MARCHF1: variants seen among roughly 807,000 people sequenced by gnomAD.
The protein encoded by MARCHF1 is E3 ubiquitin-protein ligase MARCHF1.
A neutral mutation model predicts 54.2 loss-of-function variants in MARCHF1; 40 were observed. The observed-to-expected ratio is 0.74, with a 90% CI of 0.57 to 0.96. The LOEUF (loss-of-function observed/expected upper bound fraction) is 0.96, where lower values mean the gene tolerates loss of function less well. MARCHF1 is among the 40% of genes least tolerant of loss of function. The pLI, the probability that MARCHF1 is intolerant of heterozygous loss-of-function variation, is 0.00. For synonymous variants in MARCHF1, 236 were observed against 236.3 expected, an observed-to-expected ratio of 1.00 and a Z score of 0.01; for missense variants, 586 against 656.5, an observed-to-expected ratio of 0.89 and a Z score of 1.17.
At chr4:163,968,181 G>C (rs763537856) in intron 3 of MARCHF1, among the ~76,000 whole-genome samples, 1 of 152,080 alleles carries the variant, frequency 6.6e-6, no homozygotes, top group African/African-American at 2.4e-5. Flanking sequence ...ATCCATCTCC[G>C]TGAGAACCTT....
chr4:164,130,680 T>C (rs1036585575), intron 1 of MARCHF1, among the ~76,000 whole-genome samples: 1 of 152,146 alleles, frequency 6.6e-6, no homozygotes, highest in African/African-American at 2.4e-5. Context: ...TCTGGAAAAT[T>C]GGGGCTTACA....
intron 1 of MARCHF1, among the ~76,000 whole-genome samples, chr4:164,187,271 C>CT (rs1730994600): frequency 4.9e-5 from 3 of 61,524 alleles, no homozygotes; most frequent in Admixed American, 1.5e-4. Flanking sequence ...AGGTCTGCCC[C>CT]CCTCCTGGAG....
intron 4 of MARCHF1, among the ~76,000 whole-genome samples, chr4:163,727,262 T>C (rs1321632754): frequency 6.6e-6 from 1 of 152,162 alleles, no homozygotes; most frequent in Admixed American, 6.6e-5. Flanking sequence ...CCATTTTGAA[T>C]AAATTTTCAT....
At chr4:164,153,610 A>G (rs536973843) in intron 1 of MARCHF1, among the ~76,000 whole-genome samples, 1 of 152,294 alleles carries the variant, frequency 6.6e-6, no homozygotes, top group African/African-American at 2.4e-5. Flanking sequence ...ATTAGCATTT[A>G]TGAATAAATG....
chr4:164,362,427 A>G (rs947455657), intron 1 of MARCHF1, among the ~76,000 whole-genome samples: 3 of 152,248 alleles, frequency 2.0e-5, no homozygotes, highest in African/African-American at 4.8e-5. Flanking sequence ...CAGGGGGTAC[A>G]TGATTATGTG....
chr4:163,717,839 G>A (rs935713078), intron 4 of MARCHF1, among the ~76,000 whole-genome samples: 1 of 152,058 alleles, frequency 6.6e-6, no homozygotes, highest in Non-Finnish European at 1.5e-5. Context: ...CTTTTTGATG[G>A]GGTTGTCTGT....
intron 1 of MARCHF1, among the ~76,000 whole-genome samples, chr4:164,237,291 T>A (rs750296302): frequency 2.0e-5 from 3 of 152,308 alleles, no homozygotes; most frequent in Middle Eastern, 3.4e-3. Flanking sequence ...CTGTCAAGCC[T>A]GATGGCTTTG....
chr4:163,852,066 A>G (rs147021980), intron 4 of MARCHF1, among the ~76,000 whole-genome samples: 1 of 152,280 alleles, frequency 6.6e-6, no homozygotes, highest in East Asian at 1.9e-4. Context: ...TCCATTGGTA[A>G]CTTGATATCT....
At position 163,997,595 on chromosome 4, in the gene MARCHF1, G is replaced by A. The variant is rs772910240; in HGVS notation, c.-247-8886C>T. ...AAGTACCCTTTAATTTGGGGTTTCT[G>A]TGACATTAGATATTGTGTTTACTAT... is the stretch of plus-strand genomic sequence containing the variant. On this transcript the variant is annotated intron_variant, in intron 2 of 9. Transcript: ENST00000514618. 5.9e-5 allele frequency among the ~76,000 whole-genome samples: 9 copies of A among 152,050 alleles called. No individual in the cohort carries two copies. In the East Asian group the frequency reaches 7.7e-4, roughly 13 times the overall value.
intron 1 of MARCHF1, among the ~76,000 whole-genome samples, chr4:164,208,011 G>T (rs1731659863): frequency 6.6e-6 from 1 of 152,222 alleles, no homozygotes; most frequent in East Asian, 1.9e-4. Context: ...CTGAATGAGG[G>T]ATATTTAAGT....
intron 4 of MARCHF1, among the ~76,000 whole-genome samples, chr4:163,711,369 T>A (rs973794281): frequency 2.1e-4 from 32 of 152,176 alleles, no homozygotes; most frequent in African/African-American, 7.5e-4. Flanking sequence ...TCATTTGCGT[T>A]TCAAATGTTA....
rs147961610 is a variant in MARCHF1 at position 163,555,357 on chromosome 4, T to C, written c.1192-9614A>G. ...TTCAGGGACATATTTTAGAGTGGCA[T>C]TGTAATATCTGACGGTTTTTCACAG... On this transcript the variant is annotated intron_variant, in intron 8 of 9. Transcript: ENST00000514618. Among the ~76,000 whole-genome samples, 147 of 152,342 alleles carry C rather than the reference T, an allele frequency of 9.6e-4. 1 individual carries two copies. Among genetic ancestry groups the C allele is most frequent in the Middle Eastern group, 3.4e-3 (1 of 294 alleles).
intron 1 of MARCHF1, among the ~76,000 whole-genome samples, chr4:164,234,557 T>G (rs1277893215): frequency 6.6e-6 from 1 of 152,106 alleles, no homozygotes; most frequent in Non-Finnish European, 1.5e-5. Flanking sequence ...ATAAAATGCA[T>G]TACTGTAATG....
At chr4:163,624,085 T>C (rs1174903533) in intron 5 of MARCHF1, among the ~76,000 whole-genome samples, 1 of 152,136 alleles carries the variant, frequency 6.6e-6, no homozygotes. Context: ...GCATGCAGTA[T>C]CCCAAGAATA....
chr4:164,364,635 A>G (rs981047455), intron 1 of MARCHF1, among the ~76,000 whole-genome samples: 1 of 150,426 alleles, frequency 6.6e-6, no homozygotes, highest in African/African-American at 2.4e-5. Flanking sequence ...TTAGAGTTAA[A>G]TTTTTCAATC....
At chr4:164,176,972 C>CCATATA (rs1553989364) in intron 1 of MARCHF1, among the ~76,000 whole-genome samples, 1 of 56,834 alleles carries the variant, frequency 1.8e-5, no homozygotes, top group Non-Finnish European at 3.1e-5. Context: ...CTCTCTCTCT[C>CCATATA]TCTCTCTCTA....
chr4:164,102,640 G>A (rs1368770392), intron 2 of MARCHF1, among the ~76,000 whole-genome samples: 2 of 151,266 alleles, frequency 1.3e-5, no homozygotes, highest in Admixed American at 6.6e-5. Context: ...GGAACAACCG[G>A]CACCAGCCGC....
chr4:164,081,411 A>G (rs1755099059), intron 2 of MARCHF1, among the ~76,000 whole-genome samples: 1 of 151,956 alleles, frequency 6.6e-6, no homozygotes, highest in South Asian at 2.1e-4. Flanking sequence ...TAGCAAAAAG[A>G]CAGATGTTTG....
At chr4:164,006,305 T>C (rs1753285558) in intron 2 of MARCHF1, among the ~76,000 whole-genome samples, 1 of 151,946 alleles carries the variant, frequency 6.6e-6, no homozygotes, top group African/African-American at 2.4e-5. Context: ...ATCATAGAAC[T>C]AAAAAAGACA....
Sources: gnomAD v4.1 joint callset for allele counts (sites outside exome capture counted in the v4.1 genomes callset) on GRCh38, gnomAD v4.1.1 for gene constraint, MANE v1.5 for transcripts, NCBI Gene and HGNC (gene_info 2026-07-23, HGNC 2026-07-21) for gene names.